The following DOP1B variants were observed in gnomAD, a reference collection of about 807,000 sequenced individuals.
The protein encoded by DOP1B is DOP1 leucine zipper like protein B.
Under a neutral mutation model 233.5 loss-of-function variants are expected in DOP1B, and 174 were observed. That is an observed-to-expected ratio of 0.75 (90% confidence interval 0.66 to 0.85). DOP1B has a LOEUF of 0.85. Ranked by LOEUF, DOP1B falls within the 40% of genes least tolerant of loss-of-function variation. The pLI, the probability that DOP1B is intolerant of heterozygous loss-of-function variation, is 0.00. For synonymous variants in DOP1B, 1,190 were observed against 1,185.6 expected, an observed-to-expected ratio of 1.00 and a Z score of -0.08; for missense variants, 2,652 against 2,846.6, an observed-to-expected ratio of 0.93 and a Z score of 1.56.
At chr21:36,234,989 A>G (rs2066809712) in intron 15 of DOP1B, among the ~76,000 whole-genome samples, 1 of 152,206 alleles carries the variant, frequency 6.6e-6, no homozygotes, top group Non-Finnish European at 1.5e-5. Flanking sequence ...TTGTGAAAAC[A>G]TTCAGAACCC....
At chr21:36,157,181 G>A (rs548902140) in intron 1 of DOP1B, among the ~76,000 whole-genome samples, 1 of 152,224 alleles carries the variant, frequency 6.6e-6, no homozygotes, top group South Asian at 2.1e-4. Context: ...GAGGGCAGCG[G>A]GGAGACTGGG....
At chr21:36,272,336 C>A (rs113969338) in intron 27 of DOP1B, among the ~76,000 whole-genome samples, 4 of 151,878 alleles carry the variant, frequency 2.6e-5, no homozygotes. Flanking sequence ...AATCCCAACA[C>A]TTTGGGATAT....
chr21:36,238,407 A>G (rs1205112073), intron 16 of DOP1B, among the ~76,000 whole-genome samples, 194 bp from the exon 17 acceptor site: 1 of 152,170 alleles, frequency 6.6e-6, no homozygotes, highest in Non-Finnish European at 1.5e-5. Context: ...AAAGTGAACA[A>G]TCAGAGAGAG....
intron 7 of DOP1B, among the ~76,000 whole-genome samples, chr21:36,213,094 A>G (rs2250732): frequency 0.22 from 34,013 of 152,232 alleles, 4,732 homozygotes; most frequent in East Asian, 0.47. Flanking sequence ...AGATCTTATC[A>G]AAGATCTTAC....
At chr21:36,291,539 G>A (rs9977474) in intron 35 of DOP1B, among the ~76,000 whole-genome samples, 39,991 of 152,070 alleles carry the variant, frequency 0.26, 5,483 homozygotes, top group Middle Eastern at 0.36. Flanking sequence ...CAGACTGGGC[G>A]ACAGAACGAG....
chr21:36,183,211 C>A (rs7276351), intron 2 of DOP1B, among the ~76,000 whole-genome samples: 3,070 of 152,216 alleles, frequency 0.02, 74 homozygotes, highest in African/African-American at 0.066. Context: ...CCCATCCTGG[C>A]CTCCCTGACT....
rs138874517 is a variant in DOP1B at position 36,257,994 on chromosome 21, TGTAGGTAG to T, written c.5260-2674_5260-2667del. Among the ~76,000 whole-genome samples the T allele has an allele frequency of 2.7e-5, 4 of 147,836 alleles. No homozygotes were observed. In the South Asian group the frequency reaches 6.6e-4, roughly 24 times the overall value. On this transcript the variant is annotated intron_variant, in intron 23 of 36. Transcript: ENST00000691173. ...AGGTAGATGTAGGTAGGTAGGTAGA[TGTAGGTAG>T]GTAGGTAGATAGGTAGAGAGATAGA...
At chr21:36,280,526 A>G (rs1281075197) in intron 31 of DOP1B, among the ~76,000 whole-genome samples, 180 bp downstream of exon 31, 1 of 152,194 alleles carries the variant, frequency 6.6e-6, no homozygotes, top group Non-Finnish European at 1.5e-5. Flanking sequence ...TTCCAGTTGC[A>G]ATTTATTGAC....
chr21:36,247,178 C>G (rs919180411), intron 19 of DOP1B, among the ~76,000 whole-genome samples: 2 of 152,158 alleles, frequency 1.3e-5, no homozygotes, highest in East Asian at 3.8e-4. Context: ...TGCGCCCAGC[C>G]CTGATCCTTT....
chr21:36,263,424 G>A (rs1229084141), intron 24 of DOP1B, 122 bp from the exon 25 acceptor site: 54 of 762,060 alleles, frequency 7.1e-5, no homozygotes, highest in Non-Finnish European at 1.1e-4. Flanking sequence ...AAAAGAAAAA[G>A]GTCAGTGAGG....
intron 30 of DOP1B, 92 bp from the exon 31 acceptor site, chr21:36,280,193 A>G: frequency 3.1e-6 from 3 of 971,100 alleles, no homozygotes; most frequent in Non-Finnish European, 4.6e-6. Context: ...AGTTTTTAAT[A>G]TATCTTAAGA....
At chr21:36,198,992 C>T (rs2066326216) in intron 2 of DOP1B, 78 bp from the exon 3 acceptor site, 2 of 1,469,004 alleles carry the variant, frequency 1.4e-6, no homozygotes, top group Admixed American at 4.0e-5. Flanking sequence ...TGCAGTCTCT[C>T]TGGCTTCAGC....
At chr21:36,199,326 G>A in intron 3 of DOP1B, 75 bp downstream of exon 3, 1 of 1,534,418 alleles carries the variant, frequency 6.5e-7, no homozygotes, top group Non-Finnish European at 8.8e-7. Context: ...ATGAGAAAAT[G>A]ACAAACAGGC....
intron 24 of DOP1B, chr21:36,261,547 C>T: frequency 1.0e-6 from 1 of 985,376 alleles, no homozygotes; most frequent in Non-Finnish European, 1.2e-6. Context: ...GAAAAAGAAG[C>T]TTTACTGGAC....
intron 15 of DOP1B, 133 bp downstream of exon 15, chr21:36,233,208 C>A: frequency 8.3e-7 from 1 of 1,207,600 alleles, no homozygotes; most frequent in Non-Finnish European, 1.1e-6. Context: ...TGGGCAGAGG[C>A]AGTAGCCTTT....
chr21:36,268,696 C>T (rs562115982), intron 26 of DOP1B, among the ~76,000 whole-genome samples: 28 of 152,256 alleles, frequency 1.8e-4, no homozygotes, highest in East Asian at 1.7e-3. Flanking sequence ...GCTGACTTCC[C>T]GCAACACTCT....
chr21:36,281,364 C>A, intron 31 of DOP1B, 119 bp from the exon 32 acceptor site: 1 of 1,079,310 alleles, frequency 9.3e-7, no homozygotes, highest in Non-Finnish European at 1.3e-6. Flanking sequence ...CATGTCCTTA[C>A]TTAATAAAGA....
At chr21:36,201,290 C>T (rs557238327) in intron 4 of DOP1B, among the ~76,000 whole-genome samples, 3 of 150,730 alleles carry the variant, frequency 2.0e-5, no homozygotes, top group South Asian at 4.2e-4. Flanking sequence ...GTTTCCCAGT[C>T]GCACAGTCAG....
At chr21:36,239,152 G>A (rs573374057) in intron 17 of DOP1B, among the ~76,000 whole-genome samples, 2 of 152,272 alleles carry the variant, frequency 1.3e-5, no homozygotes, top group South Asian at 4.1e-4. Flanking sequence ...AGCACAGCCA[G>A]TGGTTCCCAT....
Sources: allele counts gnomAD v4.1 joint callset (sites outside exome capture counted in the v4.1 genomes callset), GRCh38; gene constraint gnomAD v4.1.1; transcripts MANE v1.5; gene names NCBI Gene and HGNC (gene_info 2026-07-23, HGNC 2026-07-21).